MBD3: variants seen among roughly 807,000 people sequenced by gnomAD.
MBD3 encodes methyl-CpG binding domain protein 3.
In MBD3, 13 loss-of-function variants were observed where a neutral mutation model predicts 31.2. That is an observed-to-expected ratio of 0.42 (90% confidence interval 0.27 to 0.66). The LOEUF (loss-of-function observed/expected upper bound fraction) is 0.66, where lower values mean the gene tolerates loss of function less well. Ranked by LOEUF, MBD3 falls within the 30% of genes least tolerant of loss-of-function variation. The pLI is 0.26. For synonymous variants in MBD3, 223 were observed against 187.4 expected (o/e 1.19, Z -1.55); for missense variants, 440 against 426.5 (o/e 1.03, Z -0.28).
rs796808154 is a variant in MBD3 at position 1,589,164 on chromosome 19, T to C, written c.110+3358A>G. ...CTGACCAACATGGTGAAACCCCATC[T>C]CGACTAAAAATACAAAAGTAGCCGG... On this transcript the variant is annotated intron_variant, in intron 1 of 6. Coordinates refer to ENST00000434436, the MANE Select transcript of MBD3 (RefSeq NM_001281453.2). Among the ~76,000 whole-genome samples, 6 of 151,048 alleles carry C rather than the reference T, an allele frequency of 4.0e-5. 1 individual carries two copies. The highest frequency in any genetic ancestry group is 1.5e-4 in the African/African-American group (6 of 41,100).
rs563552328 is a variant in MBD3, at chr19:1,577,751, G to T, written c.*413C>A. 1 of 165,804 alleles carries T rather than the reference G, an allele frequency of 6.0e-6. No individual in the cohort carries two copies. The highest frequency in any genetic ancestry group is 2.4e-5 in the African/African-American group (1 of 41,674). 10.3% of individuals were successfully genotyped at this position (165,804 alleles called of 1,614,324 possible). The stretch of plus-strand genomic sequence containing the variant: ...TGGGTGATGTGAGTTTCAAAACTAC[G>T]CCTCCAGACCGAGAAACCCTCCCAG... On this transcript the variant is annotated 3_prime_UTR_variant, in exon 7 of 7. Transcript: ENST00000434436.
chr19:1,590,991 G>C (rs913455171), intron 1 of MBD3, among the ~76,000 whole-genome samples: 1 of 152,254 alleles, frequency 6.6e-6, no homozygotes, highest in Admixed American at 6.5e-5. Context: ...CCAGGGCCCA[G>C]AGTGGGAATG....
intron 1 of MBD3, among the ~76,000 whole-genome samples, chr19:1,590,583 C>T (rs1341152799): frequency 1.3e-5 from 2 of 152,146 alleles, no homozygotes; most frequent in African/African-American, 4.8e-5. Flanking sequence ...TACCACTGCA[C>T]TCCAGCCTGG....
At chr19:1,582,271 G>A (rs1019163407) in intron 4 of MBD3, among the ~76,000 whole-genome samples, 1 of 152,192 alleles carries the variant, frequency 6.6e-6, no homozygotes, top group African/African-American at 2.4e-5. Flanking sequence ...GTGTGGACGT[G>A]CTGGGAGAGT....
chr19:1,581,689 G>A (rs1344370513), intron 4 of MBD3: 3 of 317,648 alleles, frequency 9.4e-6, no homozygotes, highest in African/African-American at 6.5e-5. Context: ...AGGCTGCTGT[G>A]AGTAGTAACG....
At chr19:1,584,839 G>T in intron 2 of MBD3, 162 bp from the exon 3 acceptor site, 1 of 981,484 alleles carries the variant, frequency 1.0e-6, no homozygotes, top group Non-Finnish European at 1.4e-6. Flanking sequence ...CGCAGGGTCG[G>T]TCCGGCCGGC....
intron 1 of MBD3, among the ~76,000 whole-genome samples, chr19:1,588,786 A>G (rs1262993291): frequency 2.6e-5 from 4 of 151,194 alleles, no homozygotes; most frequent in Non-Finnish European, 4.4e-5. Context: ...CTCCAAAAAA[A>G]AAAAAAAAAA....
At position 1,573,714 on chromosome 19, in the gene MBD3, G is replaced by A. The variant is rs955739771; in HGVS notation, c.*4450C>T. ...GAGCGTGGTTATTTTGGTAACCAGA[G>A]AAGGCTAAAAATTAAAACTGTGAAA... On this transcript the variant is annotated 3_prime_UTR_variant, in exon 7 of 7. Transcript: ENST00000434436. 2.0e-5 allele frequency: 3 copies of A among 152,184 alleles called. No individual in the cohort carries two copies. The highest frequency in any genetic ancestry group is 7.2e-5 in the African/African-American group (3 of 41,432). 9.4% of individuals were successfully genotyped at this position (152,184 alleles called of 1,614,324 possible).
chr19:1,586,671 A>AT (rs4030111), intron 1 of MBD3, among the ~76,000 whole-genome samples: 5 of 143,786 alleles, frequency 3.5e-5, no homozygotes, highest in South Asian at 2.2e-4. Context: ...ACCACGCCTA[A>AT]TTTTTTTTTT....
chr19:1,580,430 G>A (rs1007100583), intron 5 of MBD3, among the ~76,000 whole-genome samples: 1 of 152,238 alleles, frequency 6.6e-6, no homozygotes, highest in Non-Finnish European at 1.5e-5. Context: ...TGGCCGTTCC[G>A]GGTCTTGGCT....
chr19:1,584,880 G>A (rs2060670739), intron 2 of MBD3, 175 bp downstream of exon 2: 5 of 1,085,112 alleles, frequency 4.6e-6, no homozygotes, highest in African/African-American at 3.2e-5. Flanking sequence ...CCGCGTCCTC[G>A]CCATGCGCCT....
At chr19:1,580,805 C>T (rs930725298) in intron 5 of MBD3, among the ~76,000 whole-genome samples, 7 of 152,216 alleles carry the variant, frequency 4.6e-5, no homozygotes, top group Non-Finnish European at 8.8e-5. Context: ...CTCCAGGGCC[C>T]AACATGGAGC....
At chr19:1,579,459 G>C (rs1024710955) in intron 5 of MBD3, among the ~76,000 whole-genome samples, 1 of 152,032 alleles carries the variant, frequency 6.6e-6, no homozygotes, top group African/African-American at 2.4e-5. Flanking sequence ...CTCCGGGGCC[G>C]CAGCACGTGC....
Position 1,578,475 on chromosome 19 carries a change from C to G in MBD3, c.741G>C (p.Met247Ile), listed in dbSNP as rs1478280577. 4 of 1,610,624 alleles carry G rather than the reference C, an allele frequency of 2.5e-6. No individual in the cohort carries two copies. Among genetic ancestry groups the G allele is most frequent in the Non-Finnish European group, 3.4e-6 (4 of 1,179,916 alleles). Reference sequence around the variant, plus strand: ...GGGCCAGCTCCTCCACGTGCGCCAGCATGTCGGCCATCAGCGCCTCCTCCA... The same window carrying G: ...GGGCCAGCTCCTCCACGTGCGCCAGGATGTCGGCCATCAGCGCCTCCTCCA... ...KRLEEALMAD[M>I]LAHVEELARD... Residue 247 changes from methionine to isoleucine, a missense_variant, in exon 6 of 7, where the codon ATG becomes ATC. Physicochemically the swap from Met to Ile is conservative, Grantham distance 10. Coordinates refer to ENST00000434436, the MANE Select transcript of MBD3 (RefSeq NM_001281453.2). This position sits in a 1 kb window ranked among gnomAD's most constrained non-coding sequence, Gnocchi z 6.1.
In MBD3 at chr19:1,578,320, G is replaced by C. The variant is rs749059706; in HGVS notation, c.*5+15C>G. 2 of 1,601,184 alleles carry C rather than the reference G, an allele frequency of 1.2e-6. No individual in the cohort carries two copies. The highest frequency in any genetic ancestry group is 2.2e-5 in the South Asian group (2 of 91,010). On this transcript the variant is annotated intron_variant, in intron 6 of 6. Coordinates refer to ENST00000434436, the MANE Select transcript of MBD3 (RefSeq NM_001281453.2). This position sits in a 1 kb window ranked among gnomAD's most constrained non-coding sequence, Gnocchi z 6.1. ...CAGGACCCGACTCCAGGGAGCCCCC[G>C]TGGCCCCGCAGCACCTGCCCTAGAC...
At chr19:1,581,943 A>T (rs1033646964) in intron 4 of MBD3, among the ~76,000 whole-genome samples, 4 of 151,770 alleles carry the variant, frequency 2.6e-5, no homozygotes, top group Non-Finnish European at 5.9e-5. Flanking sequence ...AATTTTTTGT[A>T]TTTTTAGTAG....
At chr19:1,579,903 A>G (rs1917310444) in intron 5 of MBD3, among the ~76,000 whole-genome samples, 1 of 152,172 alleles carries the variant, frequency 6.6e-6, no homozygotes, top group Admixed American at 6.5e-5. Flanking sequence ...GACTACAGGC[A>G]TGTGCCAAAA....
chr19:1,585,297 C>G lies in MBD3; in HGVS notation c.111-83G>C. On this transcript the variant is annotated intron_variant, in intron 1 of 6. Coordinates refer to ENST00000434436, the MANE Select transcript of MBD3 (RefSeq NM_001281453.2). This position sits in a 1 kb window ranked among gnomAD's most constrained non-coding sequence, Gnocchi z 4.1. ...CTCGGCCGCAGACCCAAACCCAGTC[C>G]CAGCCCCAGCTTCAGGTCGCGACCC... is the stretch of plus-strand genomic sequence containing the variant. 3 of 1,466,080 alleles carry G rather than the reference C, an allele frequency of 2.0e-6. No homozygotes were observed. Among genetic ancestry groups the G allele is most frequent in the Non-Finnish European group, 2.7e-6 (3 of 1,091,480 alleles). 90.8% of individuals were successfully genotyped at this position (1,466,080 alleles called of 1,614,324 possible).
At chr19:1,583,288 G>A (rs2060661738) in intron 3 of MBD3, 1 of 150,322 alleles carries the variant, frequency 6.7e-6, no homozygotes, top group East Asian at 2.0e-4. Flanking sequence ...TGAGGTGGAA[G>A]GATCACTTGA....
Sources: allele counts gnomAD v4.1 joint callset (sites outside exome capture counted in the v4.1 genomes callset), GRCh38; gene constraint gnomAD v4.1.1; non-coding constraint Gnocchi (gnomAD v3.1); transcripts MANE v1.5; gene names NCBI Gene and HGNC (gene_info 2026-07-23, HGNC 2026-07-21).